Variants in ANKS1B observed in about 807,000 individuals in gnomAD.
The protein encoded by ANKS1B is ankyrin repeat and sterile alpha motif domain-containing protein 1B.
A neutral mutation model predicts 148.3 loss-of-function variants in ANKS1B; 36 were observed. The observed-to-expected ratio is 0.24, with a 90% CI of 0.19 to 0.32. ANKS1B has a LOEUF of 0.32. Ranked by LOEUF, ANKS1B falls within the 10% of genes least tolerant of loss-of-function variation. The pLI is 1.00. For missense variants in ANKS1B, 1,157 were observed against 1,542.6 expected, an observed-to-expected ratio of 0.75 and a Z score of 4.19; for synonymous variants, 542 against 560.8, an observed-to-expected ratio of 0.97 and a Z score of 0.47.
At chr12:99,178,921 C>G (rs1274597153) in intron 14 of ANKS1B, among the ~76,000 whole-genome samples, 1 of 152,018 alleles carries the variant, frequency 6.6e-6, no homozygotes, top group East Asian at 1.9e-4. Flanking sequence ...AATGAACTAT[C>G]AATGACTAAT....
Position 99,498,619 on chromosome 12 carries a change from C to A in ANKS1B, c.1438+5857G>T, listed in dbSNP as rs145185604. Among the ~76,000 whole-genome samples, 11 of 152,252 alleles carry A rather than the reference C, an allele frequency of 7.2e-5. No individual in the cohort carries two copies. The East Asian group carries it at 2.1e-3, about 29-fold the overall frequency. On this transcript the variant is annotated intron_variant, in intron 10 of 26. Transcript: ENST00000683438. ...CTTAATTTTAACACATTCTAAGCTC[C>A]TAAAGGTCAACACTTATACCTTTTG... is the stretch of plus-strand genomic sequence containing the variant.
chr12:99,688,880 TAA>T (rs36016130), intron 8 of ANKS1B, among the ~76,000 whole-genome samples: 41 of 143,250 alleles, frequency 2.9e-4, no homozygotes, highest in South Asian at 8.7e-4. Context: ...GTGCTAAATT[TAA>T]AAAAAAAAAA....
intron 17 of ANKS1B, among the ~76,000 whole-genome samples, chr12:99,031,842 G>T (rs73386548): frequency 0.036 from 5,540 of 152,226 alleles, 344 homozygotes; most frequent in African/African-American, 0.13. Flanking sequence ...TCAATCCCTG[G>T]TGGTCAGGTT....
intron 4 of ANKS1B, among the ~76,000 whole-genome samples, chr12:99,802,521 T>C (rs2067075473): frequency 6.6e-6 from 1 of 152,174 alleles, no homozygotes; most frequent in Non-Finnish European, 1.5e-5. Flanking sequence ...AAGTATTACT[T>C]ACTATTTTAA....
At chr12:99,608,339 A>G (rs541976822) in intron 9 of ANKS1B, among the ~76,000 whole-genome samples, 22 of 152,202 alleles carry the variant, frequency 1.4e-4, no homozygotes, top group African/African-American at 5.3e-4. Flanking sequence ...AACTTAGCCA[A>G]TGATTTTCCC....
At chr12:98,883,192 T>C (rs945735748) in intron 17 of ANKS1B, among the ~76,000 whole-genome samples, 3 of 152,188 alleles carry the variant, frequency 2.0e-5, no homozygotes, top group African/African-American at 2.4e-5. Flanking sequence ...TTTTATAACA[T>C]CTGGAGGAAT....
intron 11 of ANKS1B, among the ~76,000 whole-genome samples, chr12:99,438,810 T>C (rs528378309): frequency 5.9e-5 from 9 of 151,918 alleles, no homozygotes; most frequent in South Asian, 4.1e-4. Flanking sequence ...TCCCCAAAGA[T>C]AGGGAACAAG....
chr12:99,556,420 G>A (rs1040113915), intron 9 of ANKS1B, among the ~76,000 whole-genome samples: 5 of 151,824 alleles, frequency 3.3e-5, no homozygotes, highest in Non-Finnish European at 7.4e-5. Context: ...GGGGGAGCAT[G>A]GCTTTTCATG....
At chr12:99,025,762 T>A (rs1044821622) in intron 17 of ANKS1B, among the ~76,000 whole-genome samples, 1 of 152,174 alleles carries the variant, frequency 6.6e-6, no homozygotes, top group African/African-American at 2.4e-5. Flanking sequence ...GAACCCTTCA[T>A]CCTGAAGTTG....
rs146779942 is a variant in ANKS1B, at chr12:99,605,731, T to A, written c.1272+49336A>T. 2.6e-5 allele frequency among the ~76,000 whole-genome samples: 4 copies of A among 152,260 alleles called. No homozygotes were observed. The East Asian group carries it at 7.7e-4, about 29-fold the overall frequency. Reference sequence around the variant, plus strand: ...GCCAAATATTTTCTAAATCCATTCATCCATTGATTGACATTTCAGTTGATT... The same window carrying A: ...GCCAAATATTTTCTAAATCCATTCAACCATTGATTGACATTTCAGTTGATT... On this transcript the variant is annotated intron_variant, in intron 9 of 26. Coordinates refer to ENST00000683438, the MANE Select transcript of ANKS1B (RefSeq NM_001352186.2).
At chr12:99,514,136 G>C (rs939766257) in intron 9 of ANKS1B, among the ~76,000 whole-genome samples, 1 of 151,988 alleles carries the variant, frequency 6.6e-6, no homozygotes, top group Non-Finnish European at 1.5e-5. Flanking sequence ...TAGTTGATAA[G>C]ATAAATGGGA....
chr12:99,539,369 T>C (rs990115074), intron 9 of ANKS1B, among the ~76,000 whole-genome samples: 2 of 152,154 alleles, frequency 1.3e-5, no homozygotes, highest in Admixed American at 6.5e-5. Context: ...GGAGGAAATA[T>C]TGGGGCAAAG....
intron 1 of ANKS1B, among the ~76,000 whole-genome samples, chr12:99,930,172 G>A (rs11110134): frequency 4.0e-5 from 6 of 149,544 alleles, no homozygotes; most frequent in South Asian, 4.2e-4. Flanking sequence ...CTTTTATTTC[G>A]TTGAGCAGTG....
intron 10 of ANKS1B, among the ~76,000 whole-genome samples, chr12:99,454,660 C>T (rs1231506228): frequency 6.6e-6 from 1 of 152,166 alleles, no homozygotes; most frequent in Non-Finnish European, 1.5e-5. Flanking sequence ...CAGAGGTATG[C>T]TGTAATTGGT....
intron 9 of ANKS1B, among the ~76,000 whole-genome samples, chr12:99,539,292 A>G (rs527475505): frequency 6.6e-6 from 1 of 152,316 alleles, no homozygotes; most frequent in East Asian, 1.9e-4. Flanking sequence ...AGCAATAATT[A>G]CAAATCTCTG....
chr12:98,942,165 C>G lies in ANKS1B; in HGVS notation c.2779-110029G>C, dbSNP rs184541263. 2.3e-3 allele frequency among the ~76,000 whole-genome samples: 331 copies of G among 142,382 alleles called. 6 individuals are homozygous for G. In the East Asian group the frequency reaches 0.054, roughly 23 times the overall value. The allele number at this position is 142,382 out of a possible 152,430, so 93.4% of individuals were successfully genotyped here. ...CTGAGACAGGAGAATCACTTGAACC[C>G]AGGAGGCAGAGGTTGCAGTGAGCTG... On this transcript the variant is annotated intron_variant, in intron 17 of 26. Transcript: ENST00000683438.
intron 9 of ANKS1B, among the ~76,000 whole-genome samples, chr12:99,505,599 A>G (rs990278463): frequency 1.3e-5 from 2 of 148,750 alleles, no homozygotes; most frequent in African/African-American, 4.9e-5. Context: ...CATCTACTAT[A>G]TATATGTAGA....
At chr12:99,523,079 A>ATAGGGC (rs2096891238) in intron 9 of ANKS1B, among the ~76,000 whole-genome samples, 1 of 152,168 alleles carries the variant, frequency 6.6e-6, no homozygotes. Flanking sequence ...GACTACTTTG[A>ATAGGGC]TAGGGCATCT....
chr12:99,704,970 C>T (rs4986687), intron 8 of ANKS1B, among the ~76,000 whole-genome samples: 25,346 of 151,756 alleles, frequency 0.17, 2,635 homozygotes, highest in East Asian at 0.46. Flanking sequence ...ATTCTGGATG[C>T]TATAAAGTAG....
Sources: allele counts gnomAD v4.1 joint callset (sites outside exome capture counted in the v4.1 genomes callset), GRCh38; gene constraint gnomAD v4.1.1; transcripts MANE v1.5; gene names NCBI Gene and HGNC (gene_info 2026-07-23, HGNC 2026-07-21).